Variants in MCTP1 observed in about 807,000 individuals in gnomAD.
MCTP1 encodes multiple C2 and transmembrane domain-containing protein 1.
Under a neutral mutation model 120.6 loss-of-function variants are expected in MCTP1, and 69 were observed. The observed-to-expected ratio is 0.57, with a 90% CI of 0.47 to 0.70. The LOEUF (loss-of-function observed/expected upper bound fraction) is 0.70, where lower values mean the gene tolerates loss of function less well. Among genes scored for constraint, MCTP1 ranks in the 30% least tolerant of loss-of-function variants. The pLI is 0.00. For synonymous variants in MCTP1, 529 were observed against 493.1 expected, an observed-to-expected ratio of 1.07 and a Z score of -0.96; for missense variants, 1,203 against 1,248.8, an observed-to-expected ratio of 0.96 and a Z score of 0.55.
At chr5:94,935,775 C>T (rs115391031) in intron 5 of MCTP1, among the ~76,000 whole-genome samples, 1,663 of 152,112 alleles carry the variant, frequency 0.011, 33 homozygotes, top group African/African-American at 0.038. Context: ...TTATTCCTTT[C>T]TTACATAATT....
intron 12 of MCTP1, among the ~76,000 whole-genome samples, chr5:94,882,004 T>G (rs1391360351): frequency 1.3e-5 from 2 of 152,172 alleles, no homozygotes; most frequent in Non-Finnish European, 2.9e-5. Context: ...TATGTATAAT[T>G]TACTCTCATG....
At chr5:95,168,436 G>A (rs965547924) in intron 1 of MCTP1, among the ~76,000 whole-genome samples, 1 of 152,184 alleles carries the variant, frequency 6.6e-6, no homozygotes, top group Non-Finnish European at 1.5e-5. Context: ...TGTGAAGAAA[G>A]TCATTGGTAG....
chr5:95,120,735 A>C (rs912806781), intron 1 of MCTP1, among the ~76,000 whole-genome samples: 2 of 152,232 alleles, frequency 1.3e-5, no homozygotes, highest in African/African-American at 4.8e-5. Flanking sequence ...ATAATACTGA[A>C]TGGGGAAAAA....
chr5:95,080,845 T>C (rs955884549), intron 1 of MCTP1, among the ~76,000 whole-genome samples: 2 of 152,192 alleles, frequency 1.3e-5, no homozygotes, highest in African/African-American at 4.8e-5. Context: ...AACAAACTCA[T>C]ACAATTTTAA....
intron 1 of MCTP1, among the ~76,000 whole-genome samples, chr5:95,052,014 C>A (rs1042728006): frequency 6.6e-6 from 1 of 151,966 alleles, no homozygotes; most frequent in East Asian, 1.9e-4. Context: ...TAAACCTGCC[C>A]ATGTACACCT....
chr5:95,000,304 A>G (rs1833424457), intron 2 of MCTP1, among the ~76,000 whole-genome samples: 1 of 152,192 alleles, frequency 6.6e-6, no homozygotes, highest in Admixed American at 6.5e-5. Flanking sequence ...TTATGATACT[A>G]TACTATTTAT....
chr5:95,031,802 G>A (rs1247230593), intron 1 of MCTP1, among the ~76,000 whole-genome samples: 2 of 152,076 alleles, frequency 1.3e-5, no homozygotes, highest in African/African-American at 2.4e-5. Flanking sequence ...AGTGGCAAAC[G>A]GGACAACAGC....
chr5:94,711,033 C>G lies in MCTP1; in HGVS notation c.2721-106G>C, dbSNP rs909359134. The G allele has an allele frequency of 7.7e-6, 6 of 776,024 alleles. No individual in the cohort carries two copies. In the African/African-American group the frequency reaches 1.1e-4, roughly 14 times the overall value. 48.1% of individuals were successfully genotyped at this position (776,024 alleles called of 1,614,324 possible). Reference sequence around the variant, plus strand: ...GGACCTAGTTAGTCTGCATTTCTCTCTGGAATAGATTCCAATTGTAATAGG... The same window carrying G: ...GGACCTAGTTAGTCTGCATTTCTCTGTGGAATAGATTCCAATTGTAATAGG... On this transcript the variant is annotated intron_variant, in intron 20 of 22. Transcript: ENST00000515393.
intron 2 of MCTP1, among the ~76,000 whole-genome samples, chr5:94,954,113 A>ATATATATACAAATATATATATGT (rs1821719925): frequency 2.0e-5 from 1 of 50,610 alleles, no homozygotes; most frequent in African/African-American, 1.1e-4. Context: ...CATATATATG[A>ATATATATACAAATATATATATGT]ATATATATAC....
At chr5:94,739,963 C>T (rs559245134) in intron 19 of MCTP1, among the ~76,000 whole-genome samples, 4 of 152,256 alleles carry the variant, frequency 2.6e-5, no homozygotes, top group African/African-American at 7.2e-5. Flanking sequence ...CCACTGTGCC[C>T]GGCCTGTTTA....
intron 19 of MCTP1, among the ~76,000 whole-genome samples, chr5:94,725,555 T>G (rs1761946660): frequency 6.6e-6 from 1 of 152,252 alleles, no homozygotes. Context: ...AATTGTTTAC[T>G]TCATTTTCAA....
intron 19 of MCTP1, among the ~76,000 whole-genome samples, chr5:94,769,102 T>C (rs80293184): frequency 0.017 from 2,628 of 152,128 alleles, 34 homozygotes; most frequent in Middle Eastern, 0.034. Flanking sequence ...TGGGTGGGAC[T>C]TGAGGTCCTT....
chr5:95,077,062 C>A (rs1234049018), intron 1 of MCTP1, among the ~76,000 whole-genome samples: 1 of 152,208 alleles, frequency 6.6e-6, no homozygotes, highest in African/African-American at 2.4e-5. Context: ...TGATCACTCA[C>A]AATTGACTAA....
chr5:94,963,044 T>C (rs1824672157), intron 2 of MCTP1, among the ~76,000 whole-genome samples: 1 of 152,102 alleles, frequency 6.6e-6, no homozygotes, highest in Admixed American at 6.5e-5. Context: ...TTGAGCCCTT[T>C]TGTAAGGGTG....
intron 10 of MCTP1, among the ~76,000 whole-genome samples, chr5:94,904,379 C>T (rs1806269778): frequency 6.6e-6 from 1 of 152,140 alleles, no homozygotes; most frequent in Non-Finnish European, 1.5e-5. Context: ...CCCCTGCTAC[C>T]CCAGAGTGTA....
intron 2 of MCTP1, among the ~76,000 whole-genome samples, chr5:94,996,226 T>C (rs564579263): frequency 1.1e-4 from 16 of 152,332 alleles, no homozygotes; most frequent in African/African-American, 2.9e-4. Context: ...ACATGTCTTA[T>C]AGAACATGTA....
intron 1 of MCTP1, among the ~76,000 whole-genome samples, chr5:95,261,504 G>A (rs1008026604): frequency 6.6e-6 from 1 of 152,040 alleles, no homozygotes; most frequent in Non-Finnish European, 1.5e-5. Context: ...ATTTAATTTT[G>A]TTGCACTCTG....
chr5:95,007,519 C>A (rs922979465), intron 2 of MCTP1, among the ~76,000 whole-genome samples: 1 of 152,200 alleles, frequency 6.6e-6, no homozygotes, highest in African/African-American at 2.4e-5. Flanking sequence ...ATAACTCTCT[C>A]TGAGCTTTCA....
At chr5:94,941,896 A>C (rs1303216933) in intron 4 of MCTP1, among the ~76,000 whole-genome samples, 1 of 152,034 alleles carries the variant, frequency 6.6e-6, no homozygotes, top group Non-Finnish European at 1.5e-5. Context: ...GGCAATGGCA[A>C]AATCAGATTC....
Sources: allele counts gnomAD v4.1 joint callset (sites outside exome capture counted in the v4.1 genomes callset), GRCh38; gene constraint gnomAD v4.1.1; transcripts MANE v1.5; gene names NCBI Gene and HGNC (gene_info 2026-07-23, HGNC 2026-07-21).